Variants in KCNU1 observed in about 807,000 individuals in gnomAD.
The protein encoded by KCNU1 is potassium channel subfamily U member 1.
A neutral mutation model predicts 126.8 loss-of-function variants in KCNU1; 93 were observed. The ratio of observed to expected loss-of-function variants is 0.73; its 90% confidence interval spans 0.62 to 0.87. KCNU1 has a LOEUF of 0.87. KCNU1 is among the 40% of genes least tolerant of loss of function. The pLI, the probability that KCNU1 is intolerant of heterozygous loss-of-function variation, is 0.00. For synonymous variants in KCNU1, 523 were observed against 494.2 expected (o/e 1.06, Z -0.77); for missense variants, 1,330 against 1,367.1 (o/e 0.97, Z 0.43).
At chr8:36,915,553 T>C (rs1339112489) in intron 22 of KCNU1, among the ~76,000 whole-genome samples, 1 of 152,240 alleles carries the variant, frequency 6.6e-6, no homozygotes, top group Non-Finnish European at 1.5e-5. Context: ...TTTCCTTACT[T>C]TAAATTCTAC....
chr8:36,796,905 A>G (rs936202047), intron 2 of KCNU1, among the ~76,000 whole-genome samples: 4 of 152,146 alleles, frequency 2.6e-5, no homozygotes, highest in Admixed American at 2.6e-4. Context: ...TATTTATATT[A>G]TAATATTTGG....
chr8:36,791,844 T>C (rs1802914946), intron 2 of KCNU1, among the ~76,000 whole-genome samples: 1 of 152,200 alleles, frequency 6.6e-6, no homozygotes, highest in Non-Finnish European at 1.5e-5. Flanking sequence ...AATAAACCTT[T>C]TCCACCACCT....
intron 2 of KCNU1, among the ~76,000 whole-genome samples, chr8:36,802,358 A>C (rs1803343461): frequency 6.6e-6 from 1 of 152,100 alleles, no homozygotes; most frequent in South Asian, 2.1e-4. Flanking sequence ...CAGAAATCTC[A>C]GTTTGCCTTC....
intron 10 of KCNU1, among the ~76,000 whole-genome samples, chr8:36,831,079 G>A (rs1233503224): frequency 6.6e-6 from 1 of 151,794 alleles, no homozygotes; most frequent in African/African-American, 2.4e-5. Flanking sequence ...CCCTACAAGG[G>A]ACATGAACTC....
chr8:36,826,120 A>G (rs2130511970), intron 10 of KCNU1, among the ~76,000 whole-genome samples: 1 of 151,332 alleles, frequency 6.6e-6, no homozygotes, highest in Middle Eastern at 3.4e-3. Flanking sequence ...TTCTTCCGGG[A>G]TTCTAATTAC....
intron 10 of KCNU1, among the ~76,000 whole-genome samples, chr8:36,823,023 G>A (rs1319257207): frequency 6.6e-6 from 1 of 152,176 alleles, no homozygotes; most frequent in African/African-American, 2.4e-5. Context: ...CTTGAAATGT[G>A]AAAATCAAAA....
Position 36,808,869 on chromosome 8 carries a change from G to A in KCNU1, c.732+76G>A. On this transcript the variant is annotated intron_variant, in intron 7 of 26. Transcript: ENST00000399881. Reference sequence around the variant, plus strand: ...TTTTTTGAAAAATGGAAGGGAACCTGCTGAGCCCCTGTCTCCATCACTGTA... The same window carrying A: ...TTTTTTGAAAAATGGAAGGGAACCTACTGAGCCCCTGTCTCCATCACTGTA... The A allele has an allele frequency of 3.0e-6, 3 of 1,009,578 alleles. No individual in the cohort carries two copies. In the East Asian group the frequency reaches 7.6e-5, roughly 26 times the overall value. The allele number at this position is 1,009,578 out of a possible 1,614,324, so 62.5% of individuals were successfully genotyped here.
In KCNU1 at chr8:36,817,499, C is replaced by CAAAAAAA. The variant is rs375306964; in HGVS notation, c.996-131_996-125dup. On this transcript the variant is annotated intron_variant, in intron 9 of 26. Coordinates refer to ENST00000399881, the MANE Select transcript of KCNU1 (RefSeq NM_001031836.3). ...GGGCAGCAAGAGCAAAACTCCATCT[C>CAAAAAAA]AAAAAAAAAAAAAAAAAAAAAAAAA... 8.5e-4 allele frequency: 199 copies of CAAAAAAA among 234,676 alleles called. 2 individuals are homozygous for CAAAAAAA. The highest frequency in any genetic ancestry group is 6.5e-3 in the East Asian group (69 of 10,586). 14.5% of individuals were successfully genotyped at this position (234,676 alleles called of 1,614,324 possible). A position where few individuals can be genotyped will look rare whatever the true frequency, so the allele number is the denominator to read the frequency against.
intron 19 of KCNU1, among the ~76,000 whole-genome samples, chr8:36,873,213 T>G (rs1025884436): frequency 1.4e-4 from 21 of 152,130 alleles, no homozygotes; most frequent in Non-Finnish European, 3.1e-4. Context: ...CAGGAAGCAA[T>G]GTGGTCCTTG....
At chr8:36,788,949 C>T (rs1240172191) in intron 2 of KCNU1, among the ~76,000 whole-genome samples, 3 of 152,164 alleles carry the variant, frequency 2.0e-5, no homozygotes, top group African/African-American at 7.2e-5. Context: ...TGAAAAATTA[C>T]ATACCAATAA....
intron 19 of KCNU1, among the ~76,000 whole-genome samples, chr8:36,870,998 T>A (rs1044645860): frequency 1.3e-5 from 2 of 152,188 alleles, no homozygotes; most frequent in African/African-American, 4.8e-5. Flanking sequence ...TTTTAATTGA[T>A]GGTATAATTT....
chr8:36,896,404 TCATTC>T (rs1318587734), intron 19 of KCNU1, among the ~76,000 whole-genome samples: 1 of 152,104 alleles, frequency 6.6e-6, no homozygotes, highest in Non-Finnish European at 1.5e-5. Context: ...GCAATAATTT[TCATTC>T]CAAATTATTA....
intron 2 of KCNU1, among the ~76,000 whole-genome samples, chr8:36,791,237 T>A (rs1206171424): frequency 1.3e-5 from 2 of 152,074 alleles, no homozygotes; most frequent in African/African-American, 2.4e-5. Flanking sequence ...CGGAAAAAAA[T>A]TTTCTTCTAA....
chr8:36,858,176 CAAA>C (rs67265944), intron 18 of KCNU1, among the ~76,000 whole-genome samples: 4 of 73,038 alleles, frequency 5.5e-5, no homozygotes, highest in Non-Finnish European at 9.6e-5. Context: ...TCAAGGATGG[CAAA>C]AAAAAAAAAA....
At chr8:36,870,497 C>A (rs1169088820) in intron 19 of KCNU1, among the ~76,000 whole-genome samples, 1 of 152,128 alleles carries the variant, frequency 6.6e-6, no homozygotes, top group Non-Finnish European at 1.5e-5. Flanking sequence ...GCAAGAGAAT[C>A]CCCATCTTTT....
chr8:36,934,799 A>C (rs1455306607), intron 26 of KCNU1, among the ~76,000 whole-genome samples: 1 of 152,150 alleles, frequency 6.6e-6, no homozygotes, highest in East Asian at 1.9e-4. Flanking sequence ...CAATGTTCCC[A>C]CATAAGCACT....
At chr8:36,913,602 T>A (rs1377952479) in intron 22 of KCNU1, among the ~76,000 whole-genome samples, 5 of 59,962 alleles carry the variant, frequency 8.3e-5, no homozygotes, top group Admixed American at 2.2e-4. Flanking sequence ...GAGGTCACAT[T>A]TTTTTTTTTT....
At chr8:36,816,351 A>G (rs1404155297) in intron 9 of KCNU1, among the ~76,000 whole-genome samples, 1 of 152,144 alleles carries the variant, frequency 6.6e-6, no homozygotes, top group Non-Finnish European at 1.5e-5. Context: ...CTAAGACAAA[A>G]AGAATGAAAT....
intron 2 of KCNU1, among the ~76,000 whole-genome samples, chr8:36,789,934 A>T (rs1052939345): frequency 1.3e-5 from 2 of 152,216 alleles, no homozygotes; most frequent in Admixed American, 1.3e-4. Context: ...GTCTGAGAAG[A>T]GACTGGAAAA....
Sources: allele counts gnomAD v4.1 joint callset (sites outside exome capture counted in the v4.1 genomes callset), GRCh38; gene constraint gnomAD v4.1.1; transcripts MANE v1.5; gene names NCBI Gene and HGNC (gene_info 2026-07-23, HGNC 2026-07-21).